The following TRIO variants were observed in gnomAD, a reference collection of about 807,000 sequenced individuals.
TRIO encodes the protein triple functional domain protein.
In TRIO, 58 loss-of-function variants were observed where a neutral mutation model predicts 351.9. That is an observed-to-expected ratio of 0.16 (90% CI 0.13 to 0.21). TRIO has a LOEUF of 0.21. Among genes scored for constraint, TRIO ranks in the 10% least tolerant of loss-of-function variants. The pLI is 1.00. For synonymous variants in TRIO, 1,758 were observed against 1,595.7 expected, an observed-to-expected ratio of 1.10 and a Z score of -2.42; for missense variants, 3,201 against 4,027.8, an observed-to-expected ratio of 0.79 and a Z score of 5.56.
intron 8 of TRIO, among the ~76,000 whole-genome samples, chr5:14,307,078 C>T (rs1738435679): frequency 6.6e-6 from 1 of 152,164 alleles, no homozygotes; most frequent in Admixed American, 6.5e-5. Flanking sequence ...ATTATTTTGC[C>T]TCTTAAATTA....
Position 14,304,498 on chromosome 5 carries a change from G to T in TRIO, c.1406G>T (p.Gly469Val), listed in dbSNP as rs146347032. ...SNVDSWCKACGEVDLPSELQD... is the reference protein window; with the variant it reads ...SNVDSWCKACVEVDLPSELQD... ...GTGGATTCATGGTGTAAAGCTTGCG[G>T]TGAGGTAGACCTTCCCTCAGAGCTG... Residue 469 changes from glycine (G) to valine (V), a missense_variant, in exon 8 of 57, where the codon GGT (glycine) becomes GTT (valine). Gly to Val is a moderately radical substitution (Grantham distance 109). Transcript: ENST00000344204. 6.2e-7 allele frequency: 1 copy of T among 1,613,750 alleles called. No homozygotes were observed. Among genetic ancestry groups the T allele is most frequent in the Non-Finnish European group, 8.5e-7 (1 of 1,179,964 alleles).
At chr5:14,472,954 G>A (rs1302605549) in intron 39 of TRIO, among the ~76,000 whole-genome samples, 1 of 152,136 alleles carries the variant, frequency 6.6e-6, no homozygotes, top group East Asian at 1.9e-4. Context: ...TACTAAGTAA[G>A]TATACTGTAG....
At chr5:14,397,295 A>T (rs569057926) in intron 29 of TRIO, 141 bp downstream of exon 29, 11 of 674,250 alleles carry the variant, frequency 1.6e-5, no homozygotes, top group Non-Finnish European at 2.2e-5. Context: ...AATCAGTGTC[A>T]TTGCTTTTCT....
intron 11 of TRIO, among the ~76,000 whole-genome samples, chr5:14,355,753 T>C (rs1045171848): frequency 6.6e-6 from 1 of 152,218 alleles, no homozygotes; most frequent in South Asian, 2.1e-4. Flanking sequence ...ATCTTATTGA[T>C]GATAAAGCCT....
chr5:14,336,396 C>T (rs942568873), intron 10 of TRIO, 140 bp from the exon 11 acceptor site: 5 of 838,956 alleles, frequency 6.0e-6, no homozygotes, highest in East Asian at 5.1e-5. Context: ...ATCATCTCTC[C>T]CCATCATATT....
At chr5:14,198,675 C>A in intron 1 of TRIO, among the ~76,000 whole-genome samples, 1 of 152,132 alleles carries the variant, frequency 6.6e-6, no homozygotes, top group Non-Finnish European at 1.5e-5. Flanking sequence ...CTCTGTAAAC[C>A]TGAGCCTCAT....
chr5:14,390,468 G>C (rs34560795), intron 26 of TRIO, 168 bp downstream of exon 26: 1 of 647,514 alleles, frequency 1.5e-6, no homozygotes, highest in Non-Finnish European at 2.6e-6. Context: ...AATTGTTTTT[G>C]TGGAGTGAGT....
intron 47 of TRIO, 150 bp from the exon 48 acceptor site, chr5:14,487,314 C>T: frequency 1.0e-6 from 1 of 964,184 alleles, no homozygotes; most frequent in Non-Finnish European, 1.3e-6. Context: ...GCAGGGGCCT[C>T]TTCTAGCTCT....
chr5:14,504,759 A>G lies in TRIO; in HGVS notation c.8612+166A>G, dbSNP rs1449446837. 4 of 824,262 alleles carry G rather than the reference A, an allele frequency of 4.9e-6. No homozygotes were observed. The African/African-American group carries it at 5.2e-5, about 11-fold the overall frequency. 51.1% of individuals were successfully genotyped at this position (824,262 alleles called of 1,614,324 possible). A position where few individuals can be genotyped will look rare whatever the true frequency, so the allele number is the denominator to read the frequency against. On this transcript the variant is annotated intron_variant, in intron 55 of 56. Coordinates refer to ENST00000344204, the MANE Select transcript of TRIO (RefSeq NM_007118.4). Reference sequence around the variant, plus strand: ...GCCCGCAGTTTTCAAGCCTTCCAGTAATGGCAGAAAGCAGTGTGGTCTTCC... The same window carrying G: ...GCCCGCAGTTTTCAAGCCTTCCAGTGATGGCAGAAAGCAGTGTGGTCTTCC...
At chr5:14,390,328 T>TCC (rs1746949057) in intron 26 of TRIO, 28 bp downstream of exon 26, 1 of 1,608,942 alleles carries the variant, frequency 6.2e-7, no homozygotes, top group African/African-American at 1.3e-5. Flanking sequence ...ATTTGTTCTC[T>TCC]CCCAGCTATT....
At chr5:14,358,434 C>T in intron 12 of TRIO, 87 bp downstream of exon 12, 1 of 1,486,016 alleles carries the variant, frequency 6.7e-7, no homozygotes, top group Non-Finnish European at 9.2e-7. Flanking sequence ...GAGTGGTCAG[C>T]TCTGCTTCTC....
intron 8 of TRIO, among the ~76,000 whole-genome samples, chr5:14,310,826 C>T (rs1581590635): frequency 1.3e-5 from 2 of 152,194 alleles, no homozygotes; most frequent in East Asian, 1.9e-4. Context: ...GCTGGGATTA[C>T]AGGTGTATGC....
At chr5:14,400,861 C>A in intron 30 of TRIO, 102 bp from the exon 31 acceptor site, 2 of 1,007,486 alleles carry the variant, frequency 2.0e-6, no homozygotes, top group Non-Finnish European at 1.5e-6. Context: ...TTCTTATAAC[C>A]TAACATGGCC....
intron 53 of TRIO, among the ~76,000 whole-genome samples, chr5:14,499,417 C>T (rs878977926): frequency 6.6e-6 from 1 of 152,172 alleles, no homozygotes; most frequent in Non-Finnish European, 1.5e-5. Context: ...TGCAGAAGGC[C>T]GGCCATGCAG....
At chr5:14,163,793 T>C (rs1788611822) in intron 1 of TRIO, among the ~76,000 whole-genome samples, 1 of 152,248 alleles carries the variant, frequency 6.6e-6, no homozygotes, top group South Asian at 2.1e-4. Context: ...AAAGTACTTG[T>C]AGTTAGACAT....
chr5:14,351,831 C>A (rs1243996254), intron 11 of TRIO, among the ~76,000 whole-genome samples: 1 of 152,212 alleles, frequency 6.6e-6, no homozygotes, highest in Non-Finnish European at 1.5e-5. Context: ...AGAGAGGTTG[C>A]AGCTGGAACA....
chr5:14,228,529 C>T (rs890162556), intron 1 of TRIO, among the ~76,000 whole-genome samples: 3 of 152,186 alleles, frequency 2.0e-5, no homozygotes, highest in Admixed American at 2.0e-4. Context: ...ACTCAGTAGC[C>T]CATCTCGTGT....
Position 14,476,951 on chromosome 5 carries a change from T to C in TRIO, c.6141T>C (p.Leu2047=). ...AAGATCCAGAAAAACTAGGATCCCT[T>C]TTTGTTAAACACGTAAGCACAATAG... The part of the protein sequence containing the change: ...CLEDPEKLGS[L]FVKHERRLHM... The change falls in exon 41 of 57, where the codon CTT becomes CTC. Residue 2047 remains leucine, a synonymous_variant. Transcript: ENST00000344204. The C allele has an allele frequency of 6.2e-7, 1 of 1,613,952 alleles. No homozygotes were observed.
intron 34 of TRIO, among the ~76,000 whole-genome samples, chr5:14,447,295 T>C (rs1752509624): frequency 6.6e-6 from 1 of 152,290 alleles, no homozygotes; most frequent in African/African-American, 2.4e-5. Flanking sequence ...AAAGCCACGT[T>C]TTTTCCCCTT....
Sources: allele counts gnomAD v4.1 joint callset (sites outside exome capture counted in the v4.1 genomes callset), GRCh38; gene constraint gnomAD v4.1.1; transcripts MANE v1.5; gene names NCBI Gene and HGNC (gene_info 2026-07-23, HGNC 2026-07-21).